ZNG1E: variants seen among roughly 807,000 people sequenced by gnomAD.
The protein encoded by ZNG1E is zinc-regulated GTPase metalloprotein activator 1E.
At chr9:65,703,008 GATCAA>G in the ZNG1E span, 1 of 335,754 alleles carries the variant, frequency 3.0e-6, no homozygotes, top group Non-Finnish European at 5.0e-6. Context: ...GAAACACAAA[GATCAA>G]GGTACTTTAA....
chr9:65,685,020 T>C, the ZNG1E span, among the ~76,000 whole-genome samples: 3 of 134,948 alleles, frequency 2.2e-5, no homozygotes, highest in East Asian at 4.4e-4. Flanking sequence ...CCAGCCTGGA[T>C]GACAGCATGA....
chr9:65,688,166 A>C, the ZNG1E span, among the ~76,000 whole-genome samples: 13,631 of 146,194 alleles, frequency 0.093, 7 homozygotes, highest in South Asian at 0.19. Context: ...TAAATGAATT[A>C]ATTGGTTAAG....
At chr9:65,723,753 TAAAC>T in the ZNG1E span, among the ~76,000 whole-genome samples, 2 of 101,778 alleles carry the variant, frequency 2.0e-5, no homozygotes, top group Admixed American at 2.1e-4. Flanking sequence ...ACAGACTAAA[TAAAC>T]AAACCTGAGT....
the ZNG1E span, among the ~76,000 whole-genome samples, chr9:65,725,065 C>G: frequency 0.072 from 5,993 of 83,608 alleles, no homozygotes; most frequent in Middle Eastern, 0.15. Flanking sequence ...TTATTATTTC[C>G]ATACACTGTT....
the ZNG1E span, among the ~76,000 whole-genome samples, chr9:65,684,848 C>T: frequency 1.3e-5 from 2 of 152,156 alleles, no homozygotes; most frequent in African/African-American, 4.8e-5. Flanking sequence ...CTGAATATCA[C>T]AATAGAGTGA....
chr9:65,659,625 T>G, the ZNG1E span, among the ~76,000 whole-genome samples: 6 of 151,978 alleles, frequency 3.9e-5, no homozygotes, highest in Admixed American at 6.6e-5. Flanking sequence ...TTAGGCCAGA[T>G]AGTATAAATA....
chr9:65,659,530 TCCAACC>T, the ZNG1E span, among the ~76,000 whole-genome samples: 10 of 150,432 alleles, frequency 6.6e-5, no homozygotes, highest in Admixed American at 6.6e-4. Context: ...AGAAAAGAAT[TCCAACC>T]CAGAATTCTC....
the ZNG1E span, among the ~76,000 whole-genome samples, chr9:65,685,043 TAAA>T: frequency 0.15 from 15,117 of 99,994 alleles, 14 homozygotes; most frequent in African/African-American, 0.19. Flanking sequence ...CCCCATTTCT[TAAA>T]AAAAAAAAAA....
At chr9:65,725,525 C>A in the ZNG1E span, among the ~76,000 whole-genome samples, 7 of 129,036 alleles carry the variant, frequency 5.4e-5, 1 homozygote, top group Non-Finnish European at 9.6e-5. Flanking sequence ...ATTTGTCCTT[C>A]TGTGACTGGC....
chr9:65,703,663 G>T, the ZNG1E span: 1 of 958,228 alleles, frequency 1.0e-6, no homozygotes, highest in Non-Finnish European at 1.2e-6. Flanking sequence ...AGGCAGCCAG[G>T]AGCTCTGAGG....
chr9:65,672,482 AC>A, the ZNG1E span, among the ~76,000 whole-genome samples: 1 of 150,800 alleles, frequency 6.6e-6, no homozygotes, highest in Non-Finnish European at 1.5e-5. Flanking sequence ...ACAGTGGCTC[AC>A]GCCTGTAATC....
the ZNG1E span, among the ~76,000 whole-genome samples, chr9:65,681,157 C>G: frequency 6.6e-6 from 1 of 151,716 alleles, no homozygotes; most frequent in African/African-American, 2.4e-5. Context: ...CTAACAGAAA[C>G]AATTTAGAAG....
chr9:65,691,029 A>G, the ZNG1E span: 1 of 1,596,248 alleles, frequency 6.3e-7, no homozygotes, highest in Non-Finnish European at 8.5e-7. Flanking sequence ...CCTTGATGGT[A>G]AGTTAAAAAA....
the ZNG1E span, among the ~76,000 whole-genome samples, chr9:65,662,171 T>C: frequency 6.6e-6 from 1 of 152,236 alleles, no homozygotes; most frequent in African/African-American, 2.4e-5. Context: ...GCCAAAAATA[T>C]AAAACCTGAA....
the ZNG1E span, among the ~76,000 whole-genome samples, chr9:65,664,930 AC>A: frequency 6.6e-6 from 1 of 152,220 alleles, no homozygotes; most frequent in Non-Finnish European, 1.5e-5. Flanking sequence ...TATATGTGAA[AC>A]TTTTAACTTG....
At chr9:65,716,313 C>A in the ZNG1E span, among the ~76,000 whole-genome samples, 55 of 133,894 alleles carry the variant, frequency 4.1e-4, no homozygotes, top group African/African-American at 1.4e-3. Context: ...TGTCACCATG[C>A]CTGACTAATT....
At chr9:65,719,337 A>ACC in the ZNG1E span, 1 of 137,364 alleles carries the variant, frequency 7.3e-6, no homozygotes, top group African/African-American at 3.1e-5. Context: ...TTACTAATTT[A>ACC]CCCCTCACTG....
At chr9:65,714,505 T>G in the ZNG1E span, among the ~76,000 whole-genome samples, 2 of 151,550 alleles carry the variant, frequency 1.3e-5, no homozygotes, top group Non-Finnish European at 2.9e-5. Context: ...TTTCCCCATC[T>G]TTGCAGTTTT....
the ZNG1E span, among the ~76,000 whole-genome samples, chr9:65,687,348 T>C: frequency 7.2e-6 from 1 of 139,636 alleles, no homozygotes; most frequent in East Asian, 2.2e-4. Flanking sequence ...CCTGATTGAA[T>C]TTCATTGTCA....
Sources: gnomAD v4.1 joint callset for allele counts (sites outside exome capture counted in the v4.1 genomes callset) on GRCh38, gnomAD v4.1.1 for gene constraint, MANE v1.5 for transcripts, NCBI Gene and HGNC (gene_info 2026-07-23, HGNC 2026-07-21) for gene names.